Variants in PDE8B observed in about 807,000 individuals in gnomAD.
PDE8B encodes the protein high affinity cAMP-specific and IBMX-insensitive 3',5'-cyclic phosphodiesterase 8B.
In PDE8B, 26 loss-of-function variants were observed where a neutral mutation model predicts 101.3. The ratio of observed to expected loss-of-function variants is 0.26; its 90% CI spans 0.19 to 0.36. The LOEUF (loss-of-function observed/expected upper bound fraction) is 0.36, where lower values mean the gene tolerates loss of function less well. Ranked by LOEUF, PDE8B falls within the 10% of genes least tolerant of loss-of-function variation. The pLI, the probability that PDE8B is intolerant of heterozygous loss-of-function variation, is 1.00. For missense variants in PDE8B, 810 were observed against 1,163.1 expected (o/e 0.70, Z 4.42); for synonymous variants, 424 against 429.3 (o/e 0.99, Z 0.15).
chr5:77,422,441 T>C (rs1796869208), intron 20 of PDE8B, among the ~76,000 whole-genome samples: 2 of 152,252 alleles, frequency 1.3e-5, no homozygotes, highest in Middle Eastern at 3.4e-3. Flanking sequence ...CTCAAGGAAG[T>C]TTATGTTAAG....
At position 77,413,264 on chromosome 5, in the gene PDE8B, C is replaced by T. The variant is rs750543143; in HGVS notation, c.1866C>T (p.Asp622=). The T allele has an allele frequency of 1.2e-5, 20 of 1,613,908 alleles. No individual in the cohort carries two copies. In the East Asian group the frequency reaches 1.6e-4, roughly 13 times the overall value. Residue 622 remains aspartate (D), a synonymous_variant, in exon 17 of 22, where the codon GAC becomes GAT. Transcript: ENST00000264917. ...ACCACAACTCCACCCATGCTGCCGA[C>T]GTCCTGCACGCCACCGCTTTCTTTC... is the stretch of plus-strand genomic sequence containing the variant. ...NAYHNSTHAA[D]VLHATAFFLG...
chr5:77,243,527 C>A (rs1561403182), intron 1 of PDE8B, among the ~76,000 whole-genome samples: 1 of 152,164 alleles, frequency 6.6e-6, no homozygotes, highest in Non-Finnish European at 1.5e-5. Flanking sequence ...CACTCCCAGA[C>A]CCAGACAACC....
At position 77,409,069 on chromosome 5, in the gene PDE8B, G is replaced by A. The variant is rs1794044118; in HGVS notation, c.1530+12G>A. ...GAGGCCTGATGACTGTGAGTGATGA[G>A]GCAAAACCTGAAAAGCAAGAGAGGT... On this transcript the variant is annotated intron_variant, in intron 14 of 21. Coordinates refer to ENST00000264917, the MANE Select transcript of PDE8B (RefSeq NM_003719.5). 7 of 1,612,876 alleles carry A rather than the reference G, an allele frequency of 4.3e-6. No homozygotes were observed. Among genetic ancestry groups the A allele is most frequent in the Middle Eastern group, 3.3e-4 (2 of 6,060 alleles).
intron 10 of PDE8B, among the ~76,000 whole-genome samples, chr5:77,387,647 C>T (rs1251503260): frequency 7.8e-6 from 1 of 127,638 alleles, no homozygotes; most frequent in African/African-American, 3.7e-5. Flanking sequence ...GGAAGTTCTC[C>T]TGGATAATAT....
At chr5:77,293,129 T>C (rs559690824) in intron 1 of PDE8B, among the ~76,000 whole-genome samples, 1 of 152,312 alleles carries the variant, frequency 6.6e-6, no homozygotes, top group Admixed American at 6.5e-5. Context: ...TAAAATGACA[T>C]TTTTATTACA....
chr5:77,247,591 G>A (rs1757225563), intron 1 of PDE8B, among the ~76,000 whole-genome samples: 1 of 152,086 alleles, frequency 6.6e-6, no homozygotes, highest in African/African-American at 2.4e-5. Flanking sequence ...CACATGCCAG[G>A]CCTCGGGCTG....
chr5:77,157,570 A>G, the PDE8B span, among the ~76,000 whole-genome samples: 1 of 152,248 alleles, frequency 6.6e-6, no homozygotes, highest in East Asian at 1.9e-4. Context: ...ATATATGCAC[A>G]TAGAGGCGTG....
At chr5:77,414,265 A>G (rs1207115437) in intron 17 of PDE8B, among the ~76,000 whole-genome samples, 1 of 152,222 alleles carries the variant, frequency 6.6e-6, no homozygotes, top group Non-Finnish European at 1.5e-5. Context: ...TTCATCAGCA[A>G]GGAAACAATG....
At chr5:77,118,817 G>A in the PDE8B span, 1 of 156,080 alleles carries the variant, frequency 6.4e-6, no homozygotes, top group East Asian at 1.9e-4. Context: ...GAATAGAGAA[G>A]CATCCTCTTT....
intron 10 of PDE8B, among the ~76,000 whole-genome samples, chr5:77,364,143 G>A (rs916324774): frequency 6.6e-6 from 1 of 152,206 alleles, no homozygotes; most frequent in African/African-American, 2.4e-5. Flanking sequence ...GTAGCTCCTT[G>A]AAGGCCATGA....
chr5:77,398,555 G>A (rs1012251167), intron 10 of PDE8B, among the ~76,000 whole-genome samples: 7 of 152,024 alleles, frequency 4.6e-5, no homozygotes, highest in African/African-American at 1.7e-4. Flanking sequence ...CTCCTGACCT[G>A]AAGTGATCAC....
At chr5:77,326,034 C>T (rs1402033415) in intron 3 of PDE8B, among the ~76,000 whole-genome samples, 4 of 152,104 alleles carry the variant, frequency 2.6e-5, no homozygotes, top group Non-Finnish European at 4.4e-5. Context: ...TCACACAGTT[C>T]GCATTACACA....
At chr5:77,148,949 CA>C in the PDE8B span, among the ~76,000 whole-genome samples, 1 of 152,132 alleles carries the variant, frequency 6.6e-6, no homozygotes, top group African/African-American at 2.4e-5. Context: ...ACTCTTTACC[CA>C]ACTCAAAGTT....
intron 1 of PDE8B, among the ~76,000 whole-genome samples, chr5:77,281,750 T>G (rs1765047465): frequency 6.6e-6 from 1 of 152,200 alleles, no homozygotes; most frequent in Non-Finnish European, 1.5e-5. Context: ...ATTCATAAGT[T>G]CCAGGGATCA....
chr5:77,180,438 G>T, the PDE8B span: 4 of 985,236 alleles, frequency 4.1e-6, no homozygotes. Context: ...CCCAGGAGCC[G>T]CCCGCCGCCG....
chr5:77,337,376 C>A, intron 6 of PDE8B, 61 bp downstream of exon 6: 2 of 877,580 alleles, frequency 2.3e-6, no homozygotes, highest in South Asian at 2.8e-5. Flanking sequence ...TCTTATCTGT[C>A]AACAGGCTGA....
upstream of PDE8B, among the ~76,000 whole-genome samples, chr5:77,206,426 G>A (rs1747506893): frequency 6.6e-6 from 1 of 152,244 alleles, no homozygotes; most frequent in Admixed American, 6.5e-5. Context: ...TATGTGGGTT[G>A]CAATTTCAAA....
intron 1 of PDE8B, chr5:77,290,742 C>T (rs1405385255): frequency 2.7e-6 from 4 of 1,492,906 alleles, no homozygotes; most frequent in Middle Eastern, 2.1e-4. Flanking sequence ...TCCTGTAGGC[C>T]TGGTTGGAAT....
intron 3 of PDE8B, 25 bp from the exon 4 acceptor site, chr5:77,328,973 T>A: frequency 1.2e-6 from 2 of 1,605,290 alleles, no homozygotes; most frequent in Non-Finnish European, 1.7e-6. Context: ...ATCACCTTGT[T>A]TGACTTGGAG....
Sources: gnomAD v4.1 joint callset for allele counts (sites outside exome capture counted in the v4.1 genomes callset) on GRCh38, gnomAD v4.1.1 for gene constraint, MANE v1.5 for transcripts, NCBI Gene and HGNC (gene_info 2026-07-23, HGNC 2026-07-21) for gene names.